C4orf51: variants seen among roughly 807,000 people sequenced by gnomAD.
The protein encoded by C4orf51 is chromosome 4 open reading frame 51.
Under a neutral mutation model 25.2 loss-of-function variants are expected in C4orf51, and 25 were observed. That is an observed-to-expected ratio of 0.99 (90% confidence interval 0.72 to 1.39). C4orf51 has a LOEUF of 1.39. Ranked by LOEUF, C4orf51 falls within the 40% of genes most tolerant of loss-of-function variation. C4orf51 has a pLI of 0.00. For missense variants in C4orf51, 252 were observed against 239.6 expected (o/e 1.05, Z -0.34); for synonymous variants, 100 against 84.5 (o/e 1.18, Z -1.01).
intron 1 of C4orf51, among the ~76,000 whole-genome samples, chr4:145,764,147 C>T (rs1342727871): frequency 5.3e-5 from 8 of 152,218 alleles, no homozygotes; most frequent in South Asian, 2.1e-4. Context: ...TCAACATGAT[C>T]GTTTAGCTGA....
At chr4:145,745,347 T>C (rs943010257) in intron 1 of C4orf51, among the ~76,000 whole-genome samples, 2 of 141,022 alleles carry the variant, frequency 1.4e-5, no homozygotes, top group Non-Finnish European at 3.0e-5. Flanking sequence ...TGGTACCCAT[T>C]AGCCATTCCC....
chr4:145,736,212 A>G (rs1328858873), downstream of C4orf51, among the ~76,000 whole-genome samples: 2 of 151,678 alleles, frequency 1.3e-5, no homozygotes, highest in South Asian at 2.1e-4. Flanking sequence ...TAGCATTCCT[A>G]TATTCAGGAG....
intron 1 of C4orf51, among the ~76,000 whole-genome samples, chr4:145,685,249 A>G (rs1357523568): frequency 6.6e-6 from 1 of 152,218 alleles, no homozygotes; most frequent in Non-Finnish European, 1.5e-5. Context: ...ATATCCTTGT[A>G]TTCGTCCATT....
At chr4:145,741,543 G>A (rs1733098818) in intron 1 of C4orf51, among the ~76,000 whole-genome samples, 1 of 152,136 alleles carries the variant, frequency 6.6e-6, no homozygotes, top group South Asian at 2.1e-4. Context: ...TTAGTTTGGA[G>A]TGTGGCTGGA....
chr4:145,759,043 C>T (rs143810013), downstream of C4orf51: 29 of 152,256 alleles, frequency 1.9e-4, no homozygotes, highest in African/African-American at 6.3e-4. Flanking sequence ...CCTGGTGAAA[C>T]AGATTTTAAA....
intron 2 of C4orf51, among the ~76,000 whole-genome samples, chr4:145,713,068 A>G (rs1197132329): frequency 3.9e-5 from 6 of 152,164 alleles, no homozygotes; most frequent in Non-Finnish European, 7.4e-5. Flanking sequence ...TACCACTTGG[A>G]AAAAAAGATT....
chr4:145,748,815 G>A (rs1267182362), intron 1 of C4orf51, among the ~76,000 whole-genome samples: 1 of 151,976 alleles, frequency 6.6e-6, no homozygotes, highest in East Asian at 1.9e-4. Flanking sequence ...AATGATTCAT[G>A]TACTGAGGAG....
chr4:145,733,067 G>T (rs1310604644), downstream of C4orf51, among the ~76,000 whole-genome samples: 1 of 152,146 alleles, frequency 6.6e-6, no homozygotes, highest in African/African-American at 2.4e-5. Flanking sequence ...CGGCGGGCTC[G>T]CGAGCTCAGG....
At chr4:145,742,837 G>A (rs974741259) in intron 1 of C4orf51, among the ~76,000 whole-genome samples, 1 of 152,196 alleles carries the variant, frequency 6.6e-6, no homozygotes, top group Non-Finnish European at 1.5e-5. Flanking sequence ...ACCACGCCCA[G>A]CCAGAGCATT....
chr4:145,769,432 C>G (rs1436268235), intron 1 of C4orf51, among the ~76,000 whole-genome samples: 1 of 152,192 alleles, frequency 6.6e-6, no homozygotes, highest in Non-Finnish European at 1.5e-5. Flanking sequence ...CTTTTAAATT[C>G]ATTTTTAGAA....
At chr4:145,689,137 T>C (rs909309756) in intron 1 of C4orf51, among the ~76,000 whole-genome samples, 12 of 152,124 alleles carry the variant, frequency 7.9e-5, no homozygotes, top group Non-Finnish European at 1.5e-5. Flanking sequence ...ATGAATTAAA[T>C]AACAAAGTGT....
chr4:145,682,635 G>A (rs770713164), intron 1 of C4orf51, among the ~76,000 whole-genome samples: 3 of 152,168 alleles, frequency 2.0e-5, no homozygotes, highest in Non-Finnish European at 4.4e-5. Context: ...TATTGTGTGA[G>A]ATAGAAGAAA....
downstream of C4orf51, among the ~76,000 whole-genome samples, chr4:145,771,362 A>G (rs1736252180): frequency 6.6e-6 from 1 of 152,170 alleles, no homozygotes; most frequent in Non-Finnish European, 1.5e-5. Flanking sequence ...TATTTTCTTC[A>G]GGCTTTTCTA....
intron 2 of C4orf51, among the ~76,000 whole-genome samples, chr4:145,699,760 G>T (rs562773469): frequency 6.0e-5 from 9 of 149,984 alleles, no homozygotes; most frequent in African/African-American, 2.2e-4. Flanking sequence ...GGGCAAGTAC[G>T]CCAACACCTT....
downstream of C4orf51, among the ~76,000 whole-genome samples, chr4:145,735,841 C>T (rs138074547): frequency 5.3e-5 from 8 of 152,302 alleles, no homozygotes; most frequent in South Asian, 4.1e-4. Context: ...CTTTTAAGGA[C>T]GATGACTTCA....
At position 145,761,694 on chromosome 4, in the gene C4orf51, C is replaced by A. The variant is rs537832563; in HGVS notation, n.167-9294C>A. ...CACCAGCCTTCCCTCACACCACCCCCCAGTGTCTGAGGCCTGGCCTGCCCA... is the reference window on the plus strand; with the variant it reads ...CACCAGCCTTCCCTCACACCACCCCACAGTGTCTGAGGCCTGGCCTGCCCA... On this transcript the variant is annotated intron_variant and non_coding_transcript_variant, in intron 1 of 1. Transcript: ENST00000510096. This position sits in a 1 kb window ranked among gnomAD's most constrained non-coding sequence, Gnocchi z 6.8. The A allele has an allele frequency of 3.7e-5, 29 of 781,520 alleles. No individual in the cohort carries two copies. The highest frequency in any genetic ancestry group is 3.5e-4 in the South Asian group (21 of 59,320). 48.4% of individuals were successfully genotyped at this position (781,520 alleles called of 1,614,324 possible).
intron 3 of C4orf51, among the ~76,000 whole-genome samples, chr4:145,727,414 T>A (rs553525900): frequency 5.3e-5 from 8 of 152,296 alleles, no homozygotes; most frequent in African/African-American, 1.7e-4. Context: ...TAAGGATACA[T>A]GCATACACAC....
At chr4:145,759,241 TA>T (rs1734201257), downstream of C4orf51, 1 of 152,244 alleles carries the variant, frequency 6.6e-6, no homozygotes, top group Non-Finnish European at 1.5e-5. Context: ...TCTGTTGTTT[TA>T]AAAATACAAG....
downstream of C4orf51, chr4:145,775,844 C>T: frequency 6.2e-7 from 1 of 1,614,198 alleles, no homozygotes; most frequent in South Asian, 1.1e-5. Flanking sequence ...ACGGCGCTGA[C>T]AATGTCCTCG....
Sources: gnomAD v4.1 joint callset for allele counts (sites outside exome capture counted in the v4.1 genomes callset) on GRCh38, gnomAD v4.1.1 for gene constraint, Gnocchi (gnomAD v3.1) non-coding constraint, MANE v1.5 for transcripts, NCBI Gene and HGNC (gene_info 2026-07-23, HGNC 2026-07-21) for gene names.